Variants in GMNN observed in about 807,000 individuals in gnomAD.
GMNN encodes geminin DNA replication inhibitor.
Under a neutral mutation model 20.9 loss-of-function variants are expected in GMNN, and 14 were observed. The ratio of observed to expected loss-of-function variants is 0.67; its 90% confidence interval spans 0.44 to 1.05. GMNN has a LOEUF of 1.05. Among genes scored for constraint, GMNN ranks in the 50% least tolerant of loss-of-function variants. GMNN has a pLI of 0.00. For missense variants in GMNN, 227 were observed against 243.8 expected (o/e 0.93, Z 0.46); for synonymous variants, 81 against 85.8 (o/e 0.94, Z 0.31).
chr6:24,779,503 A>G (rs1413095753), intron 2 of GMNN, among the ~76,000 whole-genome samples: 2 of 152,180 alleles, frequency 1.3e-5, no homozygotes, highest in African/African-American at 4.8e-5. Flanking sequence ...TATAATCTAA[A>G]TTATATCTGA....
In GMNN at chr6:24,785,611, A is replaced by G. The variant is rs767312956; in HGVS notation, c.469-27A>G. 5 of 1,233,898 alleles carry G rather than the reference A, an allele frequency of 4.1e-6. 1 individual carries two copies. Among genetic ancestry groups the G allele is most frequent in the South Asian group, 4.0e-5 (3 of 74,938 alleles). 76.4% of individuals were successfully genotyped at this position (1,233,898 alleles called of 1,614,324 possible). ...CAGCTTAGGTTTTAACATTTTTACA[A>G]TAAATTATTGGTTTATTCTTTAAAA... On this transcript the variant is annotated intron_variant, in intron 6 of 6. Transcript: ENST00000230056.
At chr6:24,783,524 G>A (rs966093414) in intron 4 of GMNN, among the ~76,000 whole-genome samples, 11 of 152,192 alleles carry the variant, frequency 7.2e-5, no homozygotes, top group African/African-American at 2.6e-4. Flanking sequence ...CAGATCATTA[G>A]TTAATTACTA....
intron 4 of GMNN, among the ~76,000 whole-genome samples, chr6:24,783,259 A>G (rs1044057082): frequency 1.3e-5 from 2 of 152,206 alleles, no homozygotes; most frequent in Non-Finnish European, 2.9e-5. Flanking sequence ...GGATTATAAT[A>G]CATTGAATAA....
chr6:24,779,849 T>G (rs530384896), intron 2 of GMNN, among the ~76,000 whole-genome samples: 1 of 152,332 alleles, frequency 6.6e-6, no homozygotes, highest in Admixed American at 6.5e-5. Flanking sequence ...CTTGGGCATT[T>G]TAGAGTATTT....
chr6:24,781,508 G>T lies in GMNN; in HGVS notation c.161G>T (p.Arg54Leu). ...GCAGGCTTGTCCAAAAGGAAACATC[G>T]GAATGACCACTTAACATCTACAACT... ...LSAGLSKRKHRNDHLTSTTSS... is the reference protein window; with the variant it reads ...LSAGLSKRKHLNDHLTSTTSS... Residue 54 changes from arginine to leucine, a missense_variant, in exon 4 of 7, where the codon CGG becomes CTG. By Grantham distance (102) the Arg-to-Leu change is moderately radical (BLOSUM62 -2). Transcript: ENST00000230056. 6.3e-7 allele frequency: 1 copy of T among 1,594,496 alleles called. No homozygotes were observed. The highest frequency in any genetic ancestry group is 8.6e-7 in the Non-Finnish European group (1 of 1,165,452).
chr6:24,782,090 GA>G (rs1044352220), intron 4 of GMNN, among the ~76,000 whole-genome samples: 1 of 149,614 alleles, frequency 6.7e-6, no homozygotes, highest in Non-Finnish European at 1.5e-5. Context: ...GTCTCTGAAG[GA>G]AAAAAAAAGG....
At chr6:24,785,071 G>A (rs1780314896) in intron 6 of GMNN, among the ~76,000 whole-genome samples, 1 of 152,058 alleles carries the variant, frequency 6.6e-6, no homozygotes. Context: ...AAAACATTTT[G>A]TAAGTAGCTA....
intron 1 of GMNN, chr6:24,775,886 A>C (rs974044511): frequency 6.6e-6 from 1 of 152,096 alleles, no homozygotes; most frequent in Non-Finnish European, 1.5e-5. Flanking sequence ...GATGGAAGCA[A>C]TGTTTCTCGT....
intron 6 of GMNN, among the ~76,000 whole-genome samples, chr6:24,785,289 G>A (rs1780319303): frequency 6.6e-6 from 1 of 152,144 alleles, no homozygotes; most frequent in African/African-American, 2.4e-5. Context: ...TGGAGATACT[G>A]TGGTAGCTGT....
At chr6:24,783,680 A>T (rs1339678075) in intron 4 of GMNN, among the ~76,000 whole-genome samples, 1 of 152,130 alleles carries the variant, frequency 6.6e-6, no homozygotes, top group East Asian at 1.9e-4. Flanking sequence ...GTATTCTTAT[A>T]CTATACTTAT....
intron 4 of GMNN, among the ~76,000 whole-genome samples, chr6:24,783,386 A>C (rs1780268697): frequency 6.6e-6 from 1 of 152,198 alleles, no homozygotes; most frequent in Non-Finnish European, 1.5e-5. Context: ...AGTGAAAAAA[A>C]ATTGGTTTTC....
rs774812404 is a variant in GMNN at position 24,777,212 on chromosome 6, T to C, written c.-25-10T>C. ...CGGGGGTGCAAACCATATTGTTTTT[T>C]AATTACTAGTCTTCTGTGCTTCACC... On this transcript the variant is annotated splice_polypyrimidine_tract_variant and intron_variant, in intron 1 of 6. Transcript: ENST00000230056. 9.4e-7 allele frequency: 1 copy of C among 1,058,346 alleles called. No homozygotes were observed. The highest frequency in any genetic ancestry group is 2.7e-5 in the East Asian group (1 of 37,520). 65.6% of individuals were successfully genotyped at this position (1,058,346 alleles called of 1,614,324 possible).
At position 24,785,713 on chromosome 6, in the gene GMNN, G is replaced by C. The variant is rs369845176; in HGVS notation, c.544G>C (p.Glu182Gln). 1 of 1,567,694 alleles carries C rather than the reference G, an allele frequency of 6.4e-7. No individual in the cohort carries two copies. Among genetic ancestry groups the C allele is most frequent in the Non-Finnish European group, 8.7e-7 (1 of 1,144,562 alleles). Residue 182 changes from glutamate (E) to glutamine (Q), a missense_variant, in exon 7 of 7, where the codon GAG (glutamate) becomes CAG (glutamine). By Grantham distance (29) the Glu-to-Gln change is conservative (BLOSUM62 2). Transcript: ENST00000230056. ...ATTTGATTCTGAAGAAGAAACTGTT[G>C]AGGATTCTCTAGTGGAAGACTCAGA... Reference protein sequence around the residue: ...QEFDSEEETVEDSLVEDSEIG... With the variant: ...QEFDSEEETVQDSLVEDSEIG...
At chr6:24,785,042 T>C (rs534903458) in intron 6 of GMNN, among the ~76,000 whole-genome samples, 24 of 152,308 alleles carry the variant, frequency 1.6e-4, no homozygotes, top group Middle Eastern at 3.4e-3. Context: ...AAATGAGTTT[T>C]GTGGTTTTAT....
chr6:24,779,487 C>G (rs1334155096), intron 2 of GMNN, among the ~76,000 whole-genome samples: 1 of 152,094 alleles, frequency 6.6e-6, no homozygotes, highest in Non-Finnish European at 1.5e-5. Context: ...AGACTGTTGA[C>G]TAATCTATAA....
At chr6:24,784,581 C>A in intron 6 of GMNN, 27 bp downstream of exon 6, 1 of 926,528 alleles carries the variant, frequency 1.1e-6, no homozygotes, top group South Asian at 1.4e-5. Flanking sequence ...TTATCTGGTT[C>A]AAATTTATGT....
chr6:24,776,942 A>G (rs1338546488), intron 1 of GMNN: 9 of 199,752 alleles, frequency 4.5e-5, no homozygotes, highest in African/African-American at 1.4e-4. Context: ...TATTTAATCC[A>G]GGACAATATG....
At position 24,785,697 on chromosome 6, in the gene GMNN, TGAA is replaced by T. The variant is rs773171916; in HGVS notation, c.535_537del (p.Glu179del). On this transcript the variant is annotated inframe_deletion, in exon 7 of 7. Transcript: ENST00000230056. ...CACTGGATAATCAGGAATTTGATTC[TGAA>T]GAAGAAACTGTTGAGGATTCTCTAG... 24 of 1,564,832 alleles carry T rather than the reference TGAA, an allele frequency of 1.5e-5. No individual in the cohort carries two copies. In the South Asian group the frequency reaches 1.8e-4, roughly 12 times the overall value.
intron 4 of GMNN, among the ~76,000 whole-genome samples, chr6:24,783,251 A>C (rs542360833): frequency 7.9e-5 from 12 of 152,328 alleles, no homozygotes; most frequent in Non-Finnish European, 1.8e-4. Context: ...TCAAGAATGG[A>C]TTATAATACA....
Sources: gnomAD v4.1 joint callset for allele counts (sites outside exome capture counted in the v4.1 genomes callset) on GRCh38, gnomAD v4.1.1 for gene constraint, MANE v1.5 for transcripts, NCBI Gene and HGNC (gene_info 2026-07-23, HGNC 2026-07-21) for gene names.